Variants in CHST11 observed in about 807,000 individuals in gnomAD.
CHST11 encodes carbohydrate sulfotransferase 11, also known as C4S-1.
A neutral mutation model predicts 30.4 loss-of-function variants in CHST11; 9 were observed. That is an observed-to-expected ratio of 0.30 (90% CI 0.18 to 0.52). The LOEUF (loss-of-function observed/expected upper bound fraction) is 0.52. Ranked by LOEUF, CHST11 falls within the 20% of genes least tolerant of loss-of-function variation. The probability of loss-of-function intolerance (pLI) is 0.97; values close to 1 mark genes in which losing one functional copy is unlikely to be tolerated. For synonymous variants in CHST11, 152 were observed against 187.8 expected (o/e 0.81, Z 1.56); for missense variants, 348 against 460.6 (o/e 0.76, Z 2.24).
At chr12:104,483,582 C>G (rs769102654) in intron 1 of CHST11, among the ~76,000 whole-genome samples, 2 of 152,176 alleles carry the variant, frequency 1.3e-5, no homozygotes, top group Non-Finnish European at 2.9e-5. Flanking sequence ...ATTCATTCAG[C>G]CTGCCAATTT....
At chr12:104,665,554 C>A (rs1017583795) in intron 2 of CHST11, among the ~76,000 whole-genome samples, 4 of 152,022 alleles carry the variant, frequency 2.6e-5, no homozygotes, top group Admixed American at 2.6e-4. Context: ...ACTCACAGGG[C>A]GGTTCTGAGT....
At chr12:104,469,866 A>G (rs776893987) in intron 1 of CHST11, among the ~76,000 whole-genome samples, 4 of 152,226 alleles carry the variant, frequency 2.6e-5, no homozygotes, top group Non-Finnish European at 5.9e-5. Context: ...CAGAGTTATC[A>G]TAGAGGAAGG....
At chr12:104,724,225 G>A (rs1219956719) in intron 2 of CHST11, among the ~76,000 whole-genome samples, 1 of 152,166 alleles carries the variant, frequency 6.6e-6, no homozygotes, top group Non-Finnish European at 1.5e-5. Flanking sequence ...AGACACAGAA[G>A]GACAAATACT....
At chr12:104,573,447 T>TG (rs1336344573) in intron 1 of CHST11, among the ~76,000 whole-genome samples, 1 of 152,124 alleles carries the variant, frequency 6.6e-6, no homozygotes, top group Non-Finnish European at 1.5e-5. Context: ...TCACGCTACC[T>TG]GACTTCAAAC....
intron 2 of CHST11, among the ~76,000 whole-genome samples, chr12:104,669,635 C>T (rs879224827): frequency 2.6e-5 from 4 of 152,210 alleles, no homozygotes; most frequent in African/African-American, 7.2e-5. Flanking sequence ...GCGCAGTAAA[C>T]GAGGTCAGAG....
chr12:104,555,290 G>A (rs979982038), intron 1 of CHST11, among the ~76,000 whole-genome samples: 1 of 152,234 alleles, frequency 6.6e-6, no homozygotes. Flanking sequence ...TGTAGGAATG[G>A]TGGGCAGAAT....
At chr12:104,737,938 G>A (rs1319431380) in intron 2 of CHST11, among the ~76,000 whole-genome samples, 1 of 152,058 alleles carries the variant, frequency 6.6e-6, no homozygotes, top group African/African-American at 2.4e-5. Flanking sequence ...GCCTCCCTTG[G>A]AGGCATCAGT....
At chr12:104,693,410 T>C (rs2039916298) in intron 2 of CHST11, among the ~76,000 whole-genome samples, 1 of 152,152 alleles carries the variant, frequency 6.6e-6, no homozygotes, top group Non-Finnish European at 1.5e-5. Flanking sequence ...ATCCTCCAAA[T>C]TGGGACACTT....
intron 1 of CHST11, among the ~76,000 whole-genome samples, chr12:104,563,501 A>G (rs2038533616): frequency 6.6e-6 from 1 of 152,112 alleles, no homozygotes; most frequent in African/African-American, 2.4e-5. Flanking sequence ...TCATCTTTGT[A>G]TTTCCTAGGT....
intron 2 of CHST11, among the ~76,000 whole-genome samples, chr12:104,702,884 G>A (rs552672018): frequency 4.6e-5 from 7 of 152,294 alleles, no homozygotes; most frequent in Admixed American, 2.6e-4. Context: ...TCTAACTCGA[G>A]CCTGGCGCCC....
Position 104,547,858 on chromosome 12 carries a change from CT to C in CHST11, c.119-54047del, listed in dbSNP as rs148137017. 3.8e-3 allele frequency among the ~76,000 whole-genome samples: 582 copies of C among 152,232 alleles called. 5 individuals are homozygous for C. Among genetic ancestry groups the C allele is most frequent in the African/African-American group, 0.013 (524 of 41,518 alleles). On this transcript the variant is annotated intron_variant, in intron 1 of 2. Coordinates refer to ENST00000303694, the MANE Select transcript of CHST11 (RefSeq NM_018413.6). ...GGATTAAAAAAAAGGACTTTTGCCC[CT>C]GATTCTTGTTTTTGAATACAGTCTT...
intron 1 of CHST11, among the ~76,000 whole-genome samples, chr12:104,508,762 G>C (rs185032850): frequency 6.6e-6 from 1 of 152,178 alleles, no homozygotes; most frequent in African/African-American, 2.4e-5. Context: ...TATCTCTTGT[G>C]ATTATTTATG....
Position 104,761,501 on chromosome 12 carries a change from A to ACACACACACACACACACAC in CHST11, c.*3698_*3699insCACACACACACACACACAC, listed in dbSNP as rs10695562. 7 of 144,504 alleles carry ACACACACACACACACACAC rather than the reference A, an allele frequency of 4.8e-5. No homozygotes were observed. The highest frequency in any genetic ancestry group is 1.8e-4 in the African/African-American group (7 of 38,974). 9.0% of individuals were successfully genotyped at this position (144,504 alleles called of 1,614,324 possible). A position where few individuals can be genotyped will look rare whatever the true frequency, so the allele number is the denominator to read the frequency against. On this transcript the variant is annotated 3_prime_UTR_variant, in exon 3 of 3. Transcript: ENST00000303694. ...CACACACACACACACACACACACAC[A>ACACACACACACACACACAC]ATCTCAGCTGCGCCATTCTGTGCAA...
chr12:104,458,312 T>G lies in CHST11; in HGVS notation c.118+783T>G, dbSNP rs1450303639. On this transcript the variant is annotated intron_variant, in intron 1 of 2. Coordinates refer to ENST00000303694, the MANE Select transcript of CHST11 (RefSeq NM_018413.6). This position sits in a 1 kb window ranked among gnomAD's most constrained non-coding sequence, Gnocchi z 5.7. ...TTTGGAGGAAACTTTGGCCAGGTCC[T>G]GGGCTGACCGTCCGTTTGCATCCCC... 2.0e-5 allele frequency among the ~76,000 whole-genome samples: 3 copies of G among 152,202 alleles called. No individual in the cohort carries two copies. The highest frequency in any genetic ancestry group is 4.4e-5 in the Non-Finnish European group (3 of 68,030).
rs115545621 is a variant in CHST11, at chr12:104,494,197, A to C, written c.118+36668A>C. ...CAGGCTGGGTGACAAAATTGAGCTGATTTCCCCAAATCTCCAAGGAGATCC... is the reference window on the plus strand; with the variant it reads ...CAGGCTGGGTGACAAAATTGAGCTGCTTTCCCCAAATCTCCAAGGAGATCC... On this transcript the variant is annotated intron_variant, in intron 1 of 2. Transcript: ENST00000303694. Among the ~76,000 whole-genome samples the C allele has an allele frequency of 5.6e-4, 85 of 152,220 alleles. 2 individuals are homozygous for C. The highest frequency in any genetic ancestry group is 2.0e-3 in the African/African-American group (83 of 41,570).
In CHST11 at chr12:104,457,258, C is replaced by T; in HGVS notation, c.-154C>T. On this transcript the variant is annotated 5_prime_UTR_variant, in exon 1 of 3. Coordinates refer to ENST00000303694, the MANE Select transcript of CHST11 (RefSeq NM_018413.6). The stretch of plus-strand genomic sequence containing the variant: ...ACACCCCTGCCCGGGCTGGGGGCTC[C>T]GAGAGCGGCCGCGAAGCGACTCCGA... The T allele has an allele frequency of 1.7e-6, 1 of 588,860 alleles. No homozygotes were observed. Among genetic ancestry groups the T allele is most frequent in the East Asian group, 2.8e-5 (1 of 35,528 alleles). The allele number at this position is 588,860 out of a possible 1,614,324, so 36.5% of individuals were successfully genotyped here. A position where few individuals can be genotyped will look rare whatever the true frequency, so the allele number is the denominator to read the frequency against.
intron 2 of CHST11, among the ~76,000 whole-genome samples, chr12:104,630,952 C>A (rs139927507): frequency 1.3e-5 from 2 of 152,138 alleles, no homozygotes; most frequent in African/African-American, 4.8e-5. Flanking sequence ...AGAATAAGGG[C>A]CTCTCATTAA....
intron 1 of CHST11, among the ~76,000 whole-genome samples, chr12:104,464,219 C>T (rs1305252603): frequency 6.6e-6 from 1 of 151,896 alleles, no homozygotes; most frequent in Non-Finnish European, 1.5e-5. Context: ...AGGCATGCAC[C>T]ACCACACCTG....
At chr12:104,666,581 G>C (rs1009561322) in intron 2 of CHST11, among the ~76,000 whole-genome samples, 1 of 152,168 alleles carries the variant, frequency 6.6e-6, no homozygotes, top group African/African-American at 2.4e-5. Context: ...GAATAAAATG[G>C]GATGGAATAA....
Sources: allele counts gnomAD v4.1 joint callset (sites outside exome capture counted in the v4.1 genomes callset), GRCh38; gene constraint gnomAD v4.1.1; non-coding constraint Gnocchi (gnomAD v3.1); transcripts MANE v1.5; gene names NCBI Gene and HGNC (gene_info 2026-07-23, HGNC 2026-07-21).